The following MACROD2 variants were observed in gnomAD, a reference collection of about 807,000 sequenced individuals.
MACROD2 encodes the protein ADP-ribose glycohydrolase MACROD2.
In MACROD2, 36 loss-of-function variants were observed where a neutral mutation model predicts 70.4. The observed-to-expected ratio is 0.51, with a 90% CI of 0.39 to 0.68. MACROD2 has a LOEUF of 0.68. Ranked by LOEUF, MACROD2 falls within the 30% of genes least tolerant of loss-of-function variation. The probability of loss-of-function intolerance (pLI) is 0.00; values close to 1 mark genes in which losing one functional copy is unlikely to be tolerated. For synonymous variants in MACROD2, 172 were observed against 178.8 expected (o/e 0.96, Z 0.30); for missense variants, 496 against 538.4 (o/e 0.92, Z 0.78).
rs553457904 is a variant in MACROD2, at chr20:14,119,108, A to G, written c.271+33380A>G. On this transcript the variant is annotated intron_variant, in intron 3 of 17. Coordinates refer to ENST00000684519, the MANE Select transcript of MACROD2 (RefSeq NM_001351661.2). ...AGTGATCCACCTGCCTCAGCCTCCC[A>G]AAGTGCTGGGATTACAGGCGTGAGC... 2.7e-4 allele frequency among the ~76,000 whole-genome samples: 41 copies of G among 149,556 alleles called. No homozygotes were observed. The East Asian group carries it at 7.9e-3, about 29-fold the overall frequency.
At chr20:14,484,423 G>A (rs952094644) in intron 3 of MACROD2, among the ~76,000 whole-genome samples, 8 of 151,790 alleles carry the variant, frequency 5.3e-5, no homozygotes, top group Non-Finnish European at 8.8e-5. Context: ...CAAACATTTA[G>A]CCTTTGTGTT....
intron 8 of MACROD2, among the ~76,000 whole-genome samples, chr20:15,796,137 A>T (rs1484539146): frequency 6.6e-6 from 1 of 152,218 alleles, no homozygotes; most frequent in Non-Finnish European, 1.5e-5. Context: ...GCAGGTATTA[A>T]TGGAAGGAGA....
At chr20:14,279,123 G>A (rs146214052) in intron 3 of MACROD2, among the ~76,000 whole-genome samples, 1 of 152,288 alleles carries the variant, frequency 6.6e-6, no homozygotes. Flanking sequence ...TCTAATTGAT[G>A]TGTTGTACAT....
intron 5 of MACROD2, among the ~76,000 whole-genome samples, chr20:14,864,352 G>A (rs911430571): frequency 1.3e-5 from 2 of 151,966 alleles, no homozygotes; most frequent in Non-Finnish European, 2.9e-5. Context: ...TTTGGAGAGG[G>A]CTATTTCTCC....
chr20:14,868,843 A>G (rs1374840785), intron 5 of MACROD2, among the ~76,000 whole-genome samples: 1 of 152,162 alleles, frequency 6.6e-6, no homozygotes, highest in African/African-American at 2.4e-5. Context: ...ATGTATTGCC[A>G]TATTGAACTG....
Position 15,896,919 on chromosome 20 carries a change from A to G in MACROD2, c.775+11108A>G, listed in dbSNP as rs73614479. 3.9e-3 allele frequency among the ~76,000 whole-genome samples: 590 copies of G among 152,326 alleles called. 2 individuals are homozygous for G. Among genetic ancestry groups the G allele is most frequent in the South Asian group, 0.023 (110 of 4,824 alleles). ...TAAATGATAATGCCATCTGTGAACCAGCAAGGCATAGACAGAATTGTTTGG... is the reference window on the plus strand; with the variant it reads ...TAAATGATAATGCCATCTGTGAACCGGCAAGGCATAGACAGAATTGTTTGG... On this transcript the variant is annotated intron_variant, in intron 10 of 17. Transcript: ENST00000684519.
chr20:14,698,406 T>C (rs1259066233), intron 5 of MACROD2, among the ~76,000 whole-genome samples: 9 of 152,144 alleles, frequency 5.9e-5, no homozygotes, highest in Admixed American at 5.9e-4. Context: ...GAGGCTCTCA[T>C]GAGTTAATGT....
At position 15,506,593 on chromosome 20, in the gene MACROD2, C is replaced by A. The variant is rs556158263; in HGVS notation, c.645+6746C>A. Reference sequence around the variant, plus strand: ...CACGTTATGGATCACCGAAAAAAAACCCCAGTGTGGGGCCTGCCTTATGTC... The same window carrying A: ...CACGTTATGGATCACCGAAAAAAAAACCCAGTGTGGGGCCTGCCTTATGTC... On this transcript the variant is annotated intron_variant, in intron 8 of 17. Coordinates refer to ENST00000684519, the MANE Select transcript of MACROD2 (RefSeq NM_001351661.2). Among the ~76,000 whole-genome samples the A allele has an allele frequency of 6.6e-3, 998 of 152,252 alleles. 12 individuals carry two copies. Among genetic ancestry groups the A allele is most frequent in the African/African-American group, 0.023 (953 of 41,552 alleles).
intron 3 of MACROD2, among the ~76,000 whole-genome samples, chr20:14,367,548 A>G (rs567086070): frequency 1.3e-5 from 2 of 152,342 alleles, no homozygotes; most frequent in Non-Finnish European, 2.9e-5. Flanking sequence ...TTAGCCAAAC[A>G]TAGAATTCGT....
intron 5 of MACROD2, among the ~76,000 whole-genome samples, chr20:14,738,696 A>ACATATTATGTATGTAT (rs1600608202): frequency 1.3e-5 from 2 of 151,830 alleles, no homozygotes; most frequent in East Asian, 3.8e-4. Context: ...TGTATATATT[A>ACATATTATGTATGTAT]ACATATAATC....
chr20:16,043,919 A>G (rs2067341449), intron 16 of MACROD2, among the ~76,000 whole-genome samples: 1 of 152,080 alleles, frequency 6.6e-6, no homozygotes, highest in Non-Finnish European at 1.5e-5. Context: ...TGTACATCCA[A>G]ACTGTCAACC....
intron 5 of MACROD2, among the ~76,000 whole-genome samples, chr20:14,877,611 T>A (rs768824099): frequency 3.3e-5 from 5 of 152,036 alleles, no homozygotes; most frequent in Non-Finnish European, 5.9e-5. Flanking sequence ...CTCTTGTTAT[T>A]TTGGGGTATG....
At chr20:14,220,666 G>A (rs1478041319) in intron 3 of MACROD2, among the ~76,000 whole-genome samples, 1 of 152,166 alleles carries the variant, frequency 6.6e-6, no homozygotes, top group Non-Finnish European at 1.5e-5. Context: ...GGAATGGCCT[G>A]CTAGGGTACC....
At position 16,030,129 on chromosome 20, in the gene MACROD2, G is replaced by T. The variant is rs558865122; in HGVS notation, c.1154-11072G>T. The stretch of plus-strand genomic sequence containing the variant: ...CCTGGAAAGTTCTGAGTCTCATGTT[G>T]AATTGAAGGAATTATCCAAGCCCCA... On this transcript the variant is annotated intron_variant, in intron 15 of 17. Transcript: ENST00000684519. Among the ~76,000 whole-genome samples the T allele has an allele frequency of 1.8e-3, 272 of 152,288 alleles. 1 individual carries two copies. Among genetic ancestry groups the T allele is most frequent in the Middle Eastern group, 0.01 (3 of 294 alleles).
chr20:14,040,025 A>T (rs1251102531), intron 2 of MACROD2, among the ~76,000 whole-genome samples: 1 of 152,190 alleles, frequency 6.6e-6, no homozygotes, highest in Non-Finnish European at 1.5e-5. Flanking sequence ...TTCAGAAAGA[A>T]GGTAGGCCTT....
chr20:15,977,718 G>A (rs540721084), intron 13 of MACROD2, among the ~76,000 whole-genome samples: 1 of 152,306 alleles, frequency 6.6e-6, no homozygotes, highest in Admixed American at 6.5e-5. Flanking sequence ...ACATCACGGT[G>A]TGATCAGGAT....
chr20:14,127,052 GC>G (rs2054660782), intron 3 of MACROD2, among the ~76,000 whole-genome samples: 1 of 152,122 alleles, frequency 6.6e-6, no homozygotes, highest in Non-Finnish European at 1.5e-5. Flanking sequence ...ATGTCAAAAG[GC>G]AAGAGGCCAA....
intron 3 of MACROD2, among the ~76,000 whole-genome samples, chr20:14,223,840 A>G (rs895681715): frequency 2.6e-5 from 4 of 152,154 alleles, no homozygotes; most frequent in Admixed American, 1.3e-4. Flanking sequence ...AGGGTTCTCC[A>G]GAGAAACAGA....
intron 3 of MACROD2, among the ~76,000 whole-genome samples, chr20:14,398,737 T>C (rs1330345687): frequency 6.6e-6 from 1 of 152,170 alleles, no homozygotes; most frequent in Admixed American, 6.5e-5. Context: ...TGTTGATTGT[T>C]TCTTTTGTTG....
Sources: gnomAD v4.1 joint callset for allele counts (sites outside exome capture counted in the v4.1 genomes callset) on GRCh38, gnomAD v4.1.1 for gene constraint, MANE v1.5 for transcripts, NCBI Gene and HGNC (gene_info 2026-07-23, HGNC 2026-07-21) for gene names.